MAST4: variants seen among roughly 807,000 people sequenced by gnomAD.
MAST4 encodes the protein microtubule-associated serine/threonine-protein kinase 4.
A neutral mutation model predicts 162.7 loss-of-function variants in MAST4; 89 were observed. The ratio of observed to expected loss-of-function variants is 0.55; its 90% CI spans 0.46 to 0.65. MAST4 has a LOEUF of 0.65. Ranked by LOEUF, MAST4 falls within the 30% of genes least tolerant of loss-of-function variation. MAST4 has a pLI of 0.00. For missense variants in MAST4, 3,153 were observed against 3,374.0 expected (o/e 0.93, Z 1.62); for synonymous variants, 1,479 against 1,361.1 (o/e 1.09, Z -1.91).
rs115114492 is a variant in MAST4 at position 66,981,443 on chromosome 5, G to A, written c.675-72961G>A. Among the ~76,000 whole-genome samples, 621 of 152,310 alleles carry A rather than the reference G, an allele frequency of 4.1e-3. 5 individuals are homozygous for A. The highest frequency in any genetic ancestry group is 0.014 in the African/African-American group (598 of 41,572). On this transcript the variant is annotated intron_variant, in intron 4 of 28. Transcript: ENST00000403625. ...ATTCTGAGGCTCCGTCTGGGACTTAGTGGCTGAAAACTGTATAATCAATCA... is the reference window on the plus strand; with the variant it reads ...ATTCTGAGGCTCCGTCTGGGACTTAATGGCTGAAAACTGTATAATCAATCA...
chr5:66,750,567 C>G (rs71632589), intron 1 of MAST4, among the ~76,000 whole-genome samples: 2 of 152,118 alleles, frequency 1.3e-5, no homozygotes, highest in Admixed American at 1.3e-4. Flanking sequence ...CACTCCCACC[C>G]GAATACTGCG....
chr5:66,652,878 C>T (rs1447263327), intron 1 of MAST4, among the ~76,000 whole-genome samples: 1 of 152,172 alleles, frequency 6.6e-6, no homozygotes, highest in Non-Finnish European at 1.5e-5. Flanking sequence ...GCTCTCATTG[C>T]TTCTCCCCAC....
chr5:66,782,808 G>A (rs1754937124), intron 2 of MAST4, among the ~76,000 whole-genome samples: 1 of 152,202 alleles, frequency 6.6e-6, no homozygotes, highest in African/African-American at 2.4e-5. Flanking sequence ...TTTCCACCCT[G>A]TGTAGCTGAA....
At chr5:66,644,526 G>T (rs1031998032) in intron 1 of MAST4, among the ~76,000 whole-genome samples, 2 of 152,124 alleles carry the variant, frequency 1.3e-5, no homozygotes, top group Non-Finnish European at 2.9e-5. Context: ...CCTGAGACAG[G>T]TACCTACACC....
chr5:66,687,247 A>G (rs981369768), intron 1 of MAST4, among the ~76,000 whole-genome samples: 2 of 151,998 alleles, frequency 1.3e-5, no homozygotes, highest in Non-Finnish European at 2.9e-5. Flanking sequence ...CCTCATCCTT[A>G]TGGGGTCCAC....
intron 4 of MAST4, among the ~76,000 whole-genome samples, chr5:66,926,705 T>C (rs1764932486): frequency 6.6e-6 from 1 of 152,098 alleles, no homozygotes; most frequent in Admixed American, 6.6e-5. Context: ...TTCCTATGGC[T>C]TGAATACATT....
chr5:66,634,449 C>T (rs1004441309), intron 1 of MAST4, among the ~76,000 whole-genome samples: 3 of 152,162 alleles, frequency 2.0e-5, no homozygotes, highest in Non-Finnish European at 4.4e-5. Context: ...CACAAGGCCT[C>T]GCTATAGTGC....
chr5:66,620,465 T>C (rs1485541890), intron 1 of MAST4, among the ~76,000 whole-genome samples: 3 of 152,172 alleles, frequency 2.0e-5, no homozygotes, highest in Non-Finnish European at 4.4e-5. Context: ...TTATCTCTAA[T>C]ACTTGCCGTT....
At chr5:66,865,588 T>C (rs537614947) in intron 3 of MAST4, among the ~76,000 whole-genome samples, 122 of 152,350 alleles carry the variant, frequency 8.0e-4, no homozygotes, top group Non-Finnish European at 1.2e-3. Flanking sequence ...ATGTAGTATA[T>C]GTAATAGTAC....
intron 1 of MAST4, among the ~76,000 whole-genome samples, chr5:66,637,427 A>G (rs1745195923): frequency 1.3e-5 from 2 of 152,026 alleles, no homozygotes; most frequent in Non-Finnish European, 2.9e-5. Flanking sequence ...AATATAATGT[A>G]TATTAGTATT....
intron 1 of MAST4, among the ~76,000 whole-genome samples, chr5:66,697,880 CA>C (rs1285363606): frequency 6.6e-6 from 1 of 152,096 alleles, no homozygotes; most frequent in Admixed American, 6.6e-5. Context: ...TTTATGAGTA[CA>C]AAGGGGGCCT....
At chr5:67,096,826 A>G (rs570488618) in intron 7 of MAST4, among the ~76,000 whole-genome samples, 6 of 152,220 alleles carry the variant, frequency 3.9e-5, no homozygotes, top group Non-Finnish European at 8.8e-5. Context: ...ATATGAGTCT[A>G]TTGTCCATTT....
chr5:66,839,977 A>T (rs1314803268), intron 3 of MAST4, among the ~76,000 whole-genome samples: 1 of 151,472 alleles, frequency 6.6e-6, no homozygotes, highest in Non-Finnish European at 1.5e-5. Context: ...TTTTTTTTTT[A>T]AACTGACGCG....
In MAST4 at chr5:67,003,330, C is replaced by T. The variant is rs137970942; in HGVS notation, c.675-51074C>T. 2.9e-4 allele frequency among the ~76,000 whole-genome samples: 44 copies of T among 152,216 alleles called. 1 individual carries two copies. The East Asian group carries it at 7.9e-3, about 27-fold the overall frequency. On this transcript the variant is annotated intron_variant, in intron 4 of 28. Coordinates refer to ENST00000403625, the MANE Select transcript of MAST4 (RefSeq NM_001164664.2). Reference sequence around the variant, plus strand: ...TAAGAATGTGAGGAGATAACGCATACGAAAGCCTTGGACATGAAACATCAT... The same window carrying T: ...TAAGAATGTGAGGAGATAACGCATATGAAAGCCTTGGACATGAAACATCAT...
At chr5:67,072,910 T>C (rs189213775) in intron 5 of MAST4, among the ~76,000 whole-genome samples, 8 of 152,332 alleles carry the variant, frequency 5.3e-5, no homozygotes, top group African/African-American at 9.6e-5. Flanking sequence ...TAAACTGTTA[T>C]GAATAATGGA....
chr5:67,076,292 TG>T (rs753430588), intron 5 of MAST4, among the ~76,000 whole-genome samples: 57 of 152,314 alleles, frequency 3.7e-4, no homozygotes, highest in Admixed American at 1.3e-3. Context: ...CACTTAATTG[TG>T]GCATAAACTC....
intron 1 of MAST4, among the ~76,000 whole-genome samples, chr5:66,669,666 T>G (rs538598278): frequency 6.6e-6 from 1 of 152,172 alleles, no homozygotes; most frequent in East Asian, 1.9e-4. Flanking sequence ...AAAGAAGGTG[T>G]TTGAAGTGCT....
At chr5:67,091,084 A>G (rs1763817688) in intron 6 of MAST4, among the ~76,000 whole-genome samples, 1 of 152,168 alleles carries the variant, frequency 6.6e-6, no homozygotes, top group South Asian at 2.1e-4. Context: ...ACCTAACTAT[A>G]TCCTAAAGTG....
chr5:66,952,164 G>T (rs1037119960), intron 4 of MAST4, among the ~76,000 whole-genome samples: 2 of 152,152 alleles, frequency 1.3e-5, no homozygotes, highest in Non-Finnish European at 1.5e-5. Context: ...GACCCATGTT[G>T]TCTGGGGAAG....
Sources: gnomAD v4.1 joint callset for allele counts (sites outside exome capture counted in the v4.1 genomes callset) on GRCh38, gnomAD v4.1.1 for gene constraint, MANE v1.5 for transcripts, NCBI Gene and HGNC (gene_info 2026-07-23, HGNC 2026-07-21) for gene names.